The following DNAH3 variants were observed in gnomAD, a reference collection of about 807,000 sequenced individuals.
DNAH3 encodes the protein axonemal beta dynein heavy chain 3.
DNAH3 carries 332 observed loss-of-function variants against 432.5 expected under a neutral mutation model. That is an observed-to-expected ratio of 0.77 (90% CI 0.70 to 0.84). DNAH3 has a LOEUF of 0.84. Among genes scored for constraint, DNAH3 ranks in the 40% least tolerant of loss-of-function variants. The pLI is 0.00. For missense variants in DNAH3, 4,861 were observed against 5,114.0 expected (o/e 0.95, Z 1.51); for synonymous variants, 1,956 against 1,900.2 (o/e 1.03, Z -0.76).
chr16:21,054,151 G>A (rs1057092135), intron 28 of DNAH3, among the ~76,000 whole-genome samples: 9 of 152,250 alleles, frequency 5.9e-5, no homozygotes, highest in Non-Finnish European at 8.8e-5. Flanking sequence ...ATGATTCCAC[G>A]TTGGTGAAGC....
At chr16:21,122,076 G>C in exon 10 of DNAH3, 1 of 1,613,514 alleles carries the variant, frequency 6.2e-7, no homozygotes. Context: ...ATTAGCTGAG[G>C]TATGAAAAAC....
At chr16:20,965,097 C>T in exon 53 of DNAH3, 1 of 1,614,196 alleles carries the variant, frequency 6.2e-7, no homozygotes, top group Non-Finnish European at 8.5e-7. Context: ...CCACCAGCTT[C>T]AGCTCTGCTC....
intron 44 of DNAH3, among the ~76,000 whole-genome samples, chr16:20,992,619 C>T (rs757804058): frequency 8.5e-5 from 13 of 152,092 alleles, no homozygotes; most frequent in Non-Finnish European, 1.3e-4. Context: ...GGATTACAGG[C>T]GTGAGCCACC....
chr16:21,117,898 G>A (rs1375051669), intron 11 of DNAH3, among the ~76,000 whole-genome samples: 1 of 152,102 alleles, frequency 6.6e-6, no homozygotes, highest in Non-Finnish European at 1.5e-5. Context: ...CCTCTCTAAT[G>A]AAAATTCTGG....
At chr16:20,964,625 G>T (rs1329580980) in exon 53 of DNAH3, 3 of 1,614,024 alleles carry the variant, frequency 1.9e-6, no homozygotes, top group Non-Finnish European at 2.5e-6. Context: ...TTATTGGCCT[G>T]CCCGTGAGGG....
At chr16:20,963,638 A>C (rs925246592) in exon 53 of DNAH3, 6 of 1,613,984 alleles carry the variant, frequency 3.7e-6, no homozygotes, top group African/African-American at 1.3e-5. Context: ...GCCTTCTCAG[A>C]CAGCCATTGG....
At chr16:21,145,436 C>A (rs758527086) in intron 2 of DNAH3, 30 bp from the exon 4 acceptor site, 2 of 1,569,100 alleles carry the variant, frequency 1.3e-6, no homozygotes, top group South Asian at 1.1e-5. Flanking sequence ...GAGTGAGACA[C>A]AATGAGGAAC....
intron 44 of DNAH3, among the ~76,000 whole-genome samples, chr16:20,989,106 G>T (rs1032419108): frequency 6.6e-6 from 1 of 152,232 alleles, no homozygotes; most frequent in Non-Finnish European, 1.5e-5. Flanking sequence ...AGAGACCCGA[G>T]CGGGTTACCA....
At chr16:21,085,488 A>C (rs2091334222) in intron 19 of DNAH3, among the ~76,000 whole-genome samples, 1 of 144,886 alleles carries the variant, frequency 6.9e-6, no homozygotes, top group Non-Finnish European at 1.5e-5. Flanking sequence ...AGATCATGTC[A>C]CTGCACTCCA....
Position 21,106,488 on chromosome 16 carries a change from A to G in DNAH3, c.2284+2T>C. The G allele has an allele frequency of 6.3e-7, 1 of 1,586,296 alleles. No individual in the cohort carries two copies. Among genetic ancestry groups the G allele is most frequent in the South Asian group, 1.2e-5 (1 of 86,328 alleles). ...GATGGTCACACATGGCATTGGACTTACACGGCAAGTCTGCATAGTCCATCA... is the reference window on the plus strand; with the variant it reads ...GATGGTCACACATGGCATTGGACTTGCACGGCAAGTCTGCATAGTCCATCA... On this transcript the variant is annotated splice_donor_variant, in intron 15 of 61. Transcript: ENST00000261383. LOFTEE classifies it high-confidence loss of function.
intron 38 of DNAH3, 49 bp downstream of exon 38, chr16:21,026,978 G>T: frequency 1.5e-6 from 2 of 1,315,974 alleles, no homozygotes; most frequent in Non-Finnish European, 2.2e-6. Context: ...TTTGCTTAGG[G>T]TGAGTGGAGC....
At chr16:20,937,931 C>A (rs910802486) in intron 59 of DNAH3, among the ~76,000 whole-genome samples, 1 of 152,096 alleles carries the variant, frequency 6.6e-6, no homozygotes, top group Non-Finnish European at 1.5e-5. Context: ...CTTTATGTTA[C>A]GAGGCCCAGC....
intron 50 of DNAH3, 133 bp downstream of exon 50, chr16:20,979,197 G>A (rs1300734336): frequency 1.4e-6 from 1 of 736,162 alleles, no homozygotes; most frequent in East Asian, 2.7e-5. Context: ...ATGTAGGTAA[G>A]GTAAGCTCTG....
intron 19 of DNAH3, among the ~76,000 whole-genome samples, chr16:21,083,260 T>C (rs1272787610): frequency 6.6e-6 from 1 of 152,122 alleles, no homozygotes; most frequent in African/African-American, 2.4e-5. Flanking sequence ...AGGTGATTTG[T>C]CTGCCTCGGC....
At chr16:20,980,470 T>C (rs982314466) in intron 49 of DNAH3, among the ~76,000 whole-genome samples, 1 of 151,076 alleles carries the variant, frequency 6.6e-6, no homozygotes, top group African/African-American at 2.4e-5. Flanking sequence ...CCTCCCTGGC[T>C]CAAGTGATCC....
In DNAH3 at chr16:21,126,111, C is replaced by A. The variant is rs182285849; in HGVS notation, c.1209-741G>T. ...CTGGGAGATGGGAGGTTGCAGTGAG[C>A]TGAGATTGTGCCACTGCACTCCAAC... On this transcript the variant is annotated intron_variant, in intron 8 of 61. Coordinates refer to ENST00000261383, the Ensembl canonical transcript of DNAH3. 2.2e-3 allele frequency among the ~76,000 whole-genome samples: 334 copies of A among 152,316 alleles called. 3 individuals are homozygous for A. Among genetic ancestry groups the A allele is most frequent in the African/African-American group, 7.9e-3 (329 of 41,560 alleles).
exon 3 of DNAH3, chr16:21,145,276 G>A: frequency 6.2e-7 from 1 of 1,614,048 alleles, no homozygotes; most frequent in African/African-American, 1.3e-5. Context: ...CAGGTCCTGG[G>A]CCATCAAGGA....
chr16:21,156,181 T>TTTTATTTTATTTTATTTTA (rs2092896049), intron 1 of DNAH3, among the ~76,000 whole-genome samples: 1 of 147,916 alleles, frequency 6.8e-6, no homozygotes, highest in South Asian at 2.1e-4. Flanking sequence ...TTTTATTTTA[T>TTTTATTTTATTTTATTTTA]TTTATTTTAT....
At chr16:21,122,185 T>C in intron 9 of DNAH3, 61 bp from the exon 11 acceptor site, 1 of 1,380,540 alleles carries the variant, frequency 7.2e-7, no homozygotes, top group Admixed American at 2.0e-5. Context: ...ATCAAGGGAG[T>C]GAATTTTATA....
Sources: allele counts gnomAD v4.1 joint callset (sites outside exome capture counted in the v4.1 genomes callset), GRCh38; gene constraint gnomAD v4.1.1; transcripts MANE v1.5; gene names NCBI Gene and HGNC (gene_info 2026-07-23, HGNC 2026-07-21).